The following MYO1E variants were observed in gnomAD, a reference collection of about 807,000 sequenced individuals.
The protein encoded by MYO1E is myosin IE, also known as unconventional myosin-Ie.
Under a neutral mutation model 151.1 loss-of-function variants are expected in MYO1E, and 68 were observed. The observed-to-expected ratio is 0.45, with a 90% CI of 0.37 to 0.55. The LOEUF (loss-of-function observed/expected upper bound fraction) is 0.55, where lower values mean the gene tolerates loss of function less well. Ranked by LOEUF, MYO1E falls within the 20% of genes least tolerant of loss-of-function variation. MYO1E has a pLI of 0.00. For missense variants in MYO1E, 1,363 were observed against 1,389.3 expected, an observed-to-expected ratio of 0.98 and a Z score of 0.30; for synonymous variants, 601 against 501.7, an observed-to-expected ratio of 1.20 and a Z score of -2.64.
intron 14 of MYO1E, chr15:59,207,976 G>C: frequency 6.2e-7 from 1 of 1,614,098 alleles, no homozygotes; most frequent in South Asian, 1.1e-5. Flanking sequence ...TATCCTGGGA[G>C]AGAACGGTAT....
At chr15:59,141,982 T>C (rs190434463) in intron 26 of MYO1E, among the ~76,000 whole-genome samples, 12,303 of 145,664 alleles carry the variant, frequency 0.084, 917 homozygotes, top group African/African-American at 0.2. Context: ...TGGCGGGCGC[T>C]TGTAGTCCCA....
chr15:59,152,095 G>A (rs1261777307), intron 26 of MYO1E, among the ~76,000 whole-genome samples: 2 of 151,884 alleles, frequency 1.3e-5, no homozygotes, highest in Admixed American at 1.3e-4. Flanking sequence ...TGGGTGTGGT[G>A]GTGCGTGCCT....
At chr15:59,271,976 T>G (rs1410632718) in intron 2 of MYO1E, among the ~76,000 whole-genome samples, 1 of 152,352 alleles carries the variant, frequency 6.6e-6, no homozygotes, top group East Asian at 1.9e-4. Flanking sequence ...GGCATCATCT[T>G]TGCCCTTTGC....
chr15:59,172,862 CT>C (rs776082475), intron 21 of MYO1E, among the ~76,000 whole-genome samples: 10 of 152,262 alleles, frequency 6.6e-5, no homozygotes, highest in Non-Finnish European at 1.3e-4. Context: ...CTAAGCACCC[CT>C]GTGTGCATCC....
At chr15:59,274,658 G>A (rs777063136) in intron 1 of MYO1E, among the ~76,000 whole-genome samples, 9 of 152,170 alleles carry the variant, frequency 5.9e-5, no homozygotes, top group South Asian at 2.1e-4. Context: ...GTCATGGTGC[G>A]TATGTTTGTA....
intron 21 of MYO1E, among the ~76,000 whole-genome samples, chr15:59,172,827 T>C (rs1373153583): frequency 6.6e-6 from 1 of 152,262 alleles, no homozygotes; most frequent in Non-Finnish European, 1.5e-5. Context: ...GGGTAACCAC[T>C]TTATAATGAG....
chr15:59,172,075 G>A (rs1333975550), intron 21 of MYO1E, 33 bp from the exon 22 acceptor site: 2 of 1,610,042 alleles, frequency 1.2e-6, no homozygotes, highest in African/African-American at 2.7e-5. Context: ...AAGCTGGACA[G>A]GCCAGGCATG....
chr15:59,157,247 A>G lies in MYO1E; in HGVS notation c.2878+1040T>C, dbSNP rs184613316. ...AAAAAAGAAGAGATAAATATGAAATATGAGCATAAATTTTATAACAATTTT... is the reference window on the plus strand; with the variant it reads ...AAAAAAGAAGAGATAAATATGAAATGTGAGCATAAATTTTATAACAATTTT... On this transcript the variant is annotated intron_variant, in intron 25 of 27. Coordinates refer to ENST00000288235, the MANE Select transcript of MYO1E (RefSeq NM_004998.4). Among the ~76,000 whole-genome samples the G allele has an allele frequency of 5.8e-3, 888 of 152,276 alleles. 6 individuals are homozygous for G. The highest frequency in any genetic ancestry group is 9.8e-3 in the Non-Finnish European group (667 of 68,018).
At chr15:59,367,422 T>C (rs1476887012) in intron 1 of MYO1E, among the ~76,000 whole-genome samples, 2 of 152,204 alleles carry the variant, frequency 1.3e-5, no homozygotes, top group East Asian at 1.9e-4. Context: ...TTGGAGGCCA[T>C]GGCATTTTCA....
chr15:59,241,513 C>T (rs1236458908), intron 4 of MYO1E, among the ~76,000 whole-genome samples: 7 of 152,000 alleles, frequency 4.6e-5, no homozygotes, highest in African/African-American at 1.2e-4. Flanking sequence ...GCAGCCTGGC[C>T]GACATGGTAA....
intron 1 of MYO1E, among the ~76,000 whole-genome samples, chr15:59,302,853 T>C (rs536578957): frequency 2.6e-5 from 4 of 152,312 alleles, no homozygotes; most frequent in Admixed American, 6.5e-5. Context: ...AAGCTAAAAA[T>C]GGCATTGGAA....
intron 1 of MYO1E, among the ~76,000 whole-genome samples, chr15:59,352,860 C>A (rs543672536): frequency 6.6e-6 from 1 of 152,294 alleles, no homozygotes; most frequent in Admixed American, 6.5e-5. Context: ...CTGGAGGAGC[C>A]ATTGAAAACT....
At chr15:59,286,792 A>T (rs1443301792) in intron 1 of MYO1E, among the ~76,000 whole-genome samples, 1 of 152,212 alleles carries the variant, frequency 6.6e-6, no homozygotes, top group African/African-American at 2.4e-5. Flanking sequence ...TCTATGGCAC[A>T]GTGGCACCAT....
rs529378986 is a variant in MYO1E, at chr15:59,221,373, C to T, written c.910+1686G>A. 1.4e-4 allele frequency among the ~76,000 whole-genome samples: 22 copies of T among 151,934 alleles called. No individual in the cohort carries two copies. In the South Asian group the frequency reaches 3.9e-3, roughly 27 times the overall value. ...TGCAGTATAAGCCCCCAATATTGCA[C>T]AAAAGTGAGAAAAAGGAGTGGTTGT... On this transcript the variant is annotated intron_variant, in intron 9 of 27. Transcript: ENST00000288235.
intron 4 of MYO1E, among the ~76,000 whole-genome samples, chr15:59,245,555 G>C (rs1173444924): frequency 2.6e-5 from 4 of 152,104 alleles, no homozygotes; most frequent in Non-Finnish European, 5.9e-5. Context: ...TTTGCAAACT[G>C]GTATTGGATA....
intron 1 of MYO1E, among the ~76,000 whole-genome samples, chr15:59,302,621 C>T (rs1163842096): frequency 1.3e-5 from 2 of 152,104 alleles, no homozygotes; most frequent in African/African-American, 4.8e-5. Context: ...TTTGACTAGG[C>T]GCTGCATGCC....
At chr15:59,188,868 G>A (rs1288904662) in intron 17 of MYO1E, among the ~76,000 whole-genome samples, 1 of 152,074 alleles carries the variant, frequency 6.6e-6, no homozygotes, top group African/African-American at 2.4e-5. Context: ...TTTAACTTTT[G>A]AATTAAATGA....
Position 59,214,546 on chromosome 15 carries a change from G to GA in MYO1E, c.1188+93_1188+94insT. ...TTTTTGTTGTTGTGGTTTGTTTTCTGTTTTTTTGTTTTTGCATTGCCTAGA... is the reference window on the plus strand; with the variant it reads ...TTTTTGTTGTTGTGGTTTGTTTTCTGATTTTTTTGTTTTTGCATTGCCTAGA... On this transcript the variant is annotated intron_variant, in intron 11 of 27. Coordinates refer to ENST00000288235, the MANE Select transcript of MYO1E (RefSeq NM_004998.4). The GA allele has an allele frequency of 2.4e-6, 3 of 1,256,982 alleles. 1 individual carries two copies. The South Asian group carries it at 3.6e-5, about 15-fold the overall frequency. 77.9% of individuals were successfully genotyped at this position (1,256,982 alleles called of 1,614,324 possible).
At chr15:59,280,300 TTTTTCACA>T (rs1167771392) in intron 1 of MYO1E, among the ~76,000 whole-genome samples, 1 of 152,226 alleles carries the variant, frequency 6.6e-6, no homozygotes, top group Non-Finnish European at 1.5e-5. Flanking sequence ...AGATGCATTC[TTTTTCACA>T]TTTTCACATT....
Sources: gnomAD v4.1 joint callset for allele counts (sites outside exome capture counted in the v4.1 genomes callset) on GRCh38, gnomAD v4.1.1 for gene constraint, MANE v1.5 for transcripts, NCBI Gene and HGNC (gene_info 2026-07-23, HGNC 2026-07-21) for gene names.